The following MAN2A2 variants were observed in gnomAD, a reference collection of about 807,000 sequenced individuals.
MAN2A2 encodes alpha-mannosidase 2x.
A neutral mutation model predicts 126.8 loss-of-function variants in MAN2A2; 79 were observed. That is an observed-to-expected ratio of 0.62 (90% CI 0.52 to 0.75). MAN2A2 has a LOEUF of 0.75. Ranked by LOEUF, MAN2A2 falls within the 30% of genes least tolerant of loss-of-function variation. The probability of loss-of-function intolerance (pLI) is 0.00; values close to 1 mark genes in which losing one functional copy is unlikely to be tolerated. For synonymous variants in MAN2A2, 671 were observed against 618.7 expected, an observed-to-expected ratio of 1.08 and a Z score of -1.25; for missense variants, 1,392 against 1,522.4, an observed-to-expected ratio of 0.91 and a Z score of 1.43.
At chr15:90,909,747 G>A (rs1354447588) in intron 9 of MAN2A2, among the ~76,000 whole-genome samples, 2 of 152,136 alleles carry the variant, frequency 1.3e-5, no homozygotes, top group Non-Finnish European at 1.5e-5. Context: ...GGGACTACAG[G>A]TGCCTGCCAT....
intron 17 of MAN2A2, 76 bp from the exon 18 acceptor site, chr15:90,913,197 T>C (rs2034899421): frequency 2.6e-6 from 4 of 1,556,022 alleles, no homozygotes. Flanking sequence ...AGCTCGGCTC[T>C]GATCCCCCAG....
rs756225227 is a variant in MAN2A2 at position 90,906,736 on chromosome 15, C to G, written c.836-4C>G. The G allele has an allele frequency of 1.2e-5, 20 of 1,610,854 alleles. No individual in the cohort carries two copies. The highest frequency in any genetic ancestry group is 3.3e-5 in the Admixed American group (2 of 59,954). On this transcript the variant is annotated splice_polypyrimidine_tract_variant and splice_region_variant and intron_variant, in intron 6 of 22. Transcript: ENST00000559717. ...GGCCTCTCTGGCTTCCATGCCCTGC[C>G]CAGGTGCAACCCCCCGCTCTGGCTG...
intron 1 of MAN2A2, chr15:90,903,933 T>C: frequency 2.0e-6 from 1 of 493,684 alleles, no homozygotes; most frequent in South Asian, 2.0e-5. Flanking sequence ...TGTGGTGCGC[T>C]CCAGTCGGAG....
chr15:90,919,600 C>G, intron 22 of MAN2A2, 35 bp from the exon 23 acceptor site: 1 of 1,607,608 alleles, frequency 6.2e-7, no homozygotes, highest in Non-Finnish European at 8.5e-7. Flanking sequence ...GTCTCGGCAC[C>G]TAGCACAACC....
chr15:90,916,298 G>C, intron 20 of MAN2A2, 42 bp downstream of exon 20: 1 of 1,595,208 alleles, frequency 6.3e-7, no homozygotes, highest in South Asian at 1.1e-5. Flanking sequence ...GGTCTGGCTA[G>C]TCCCTGGGGG....
At chr15:90,904,070 G>A (rs1234839568) in intron 1 of MAN2A2, 120 bp from the exon 2 acceptor site, 3 of 1,116,066 alleles carry the variant, frequency 2.7e-6, no homozygotes, top group Admixed American at 1.7e-5. Context: ...TGTGCTACTT[G>A]GAGCCAGGCA....
At chr15:90,906,038 A>C (rs370101818) in intron 5 of MAN2A2, 22 bp downstream of exon 5, 62 of 1,612,806 alleles carry the variant, frequency 3.8e-5, no homozygotes, top group Non-Finnish European at 4.2e-5. Flanking sequence ...GCGGGGAGGC[A>C]TGGGAGGGCA....
chr15:90,911,404 C>G lies in MAN2A2; in HGVS notation c.1963C>G (p.Pro655Ala), dbSNP rs1055433937. 13 of 1,614,108 alleles carry G rather than the reference C, an allele frequency of 8.1e-6. No individual in the cohort carries two copies. The highest frequency in any genetic ancestry group is 1.0e-5 in the Non-Finnish European group (12 of 1,180,046). The part of the protein sequence containing the change: ...SSPRFVVLFN[P>A]LEQERFSMVS... The stretch of plus-strand genomic sequence containing the variant: ...GCACAGGTTTGTGGTCCTATTCAAC[C>G]CACTGGAACAGGAGCGATTCAGCAT... The change falls in exon 14 of 23, where the codon CCA (proline) becomes GCA (alanine). Residue 655 changes from proline to alanine, a missense_variant. Physicochemically the swap from Pro to Ala is conservative, Grantham distance 27 (BLOSUM62 -1). Coordinates refer to ENST00000559717, the MANE Select transcript of MAN2A2 (RefSeq NM_006122.4).
upstream of MAN2A2, chr15:90,902,802 G>T (rs1596130074): frequency 6.8e-6 from 1 of 146,266 alleles, no homozygotes; most frequent in South Asian, 2.1e-4. Flanking sequence ...GCGCGCCGGC[G>T]GCCCGGGGCC....
At chr15:90,912,519 G>A (rs968974320) in intron 15 of MAN2A2, 23 bp from the exon 16 acceptor site, 2 of 1,611,472 alleles carry the variant, frequency 1.2e-6, no homozygotes, top group Non-Finnish European at 1.7e-6. Flanking sequence ...GGGGCCAGGG[G>A]TCAGGGCTGT....
rs747544079 is a variant in MAN2A2 at position 90,906,883 on chromosome 15, A to C, written c.979A>C (p.Ser327Arg). 51 of 1,614,040 alleles carry C rather than the reference A, an allele frequency of 3.2e-5. No individual in the cohort carries two copies. The highest frequency in any genetic ancestry group is 4.2e-5 in the Non-Finnish European group (50 of 1,179,990). Residue 327 changes from serine to arginine, a missense_variant, in exon 7 of 23, where the codon AGC becomes CGC. Coordinates refer to ENST00000559717, the MANE Select transcript of MAN2A2 (RefSeq NM_006122.4). ...AIKKHFAATH[S>R]LEFMWRQTWD... The stretch of plus-strand genomic sequence containing the variant: ...CAAGAAGCACTTTGCTGCCACCCAC[A>C]GCCTAGAGTTCATGTGGAGGCAGAC...
intron 15 of MAN2A2, 86 bp downstream of exon 15, chr15:90,912,365 C>T (rs551008758): frequency 1.3e-6 from 2 of 1,571,186 alleles, no homozygotes; most frequent in South Asian, 2.3e-5. Flanking sequence ...CCTCCCGGCC[C>T]TGTGAGCATT....
chr15:90,910,675 T>C lies in MAN2A2; in HGVS notation c.1752T>C (p.Tyr584=), dbSNP rs906744352. The part of the protein sequence containing the change: ...GTAKEAVVVD[Y]GVRLLRSLVN... The stretch of plus-strand genomic sequence containing the variant: ...CCAAGGAGGCTGTGGTGGTGGACTA[T>C]GGGGTCAGGTGGGAGCCTTCTCTTT... Residue 584 remains tyrosine, a synonymous_variant, in exon 11 of 23, where the codon TAT becomes TAC. Coordinates refer to ENST00000559717, the MANE Select transcript of MAN2A2 (RefSeq NM_006122.4). 1 of 1,613,776 alleles carries C rather than the reference T, an allele frequency of 6.2e-7. No homozygotes were observed. The highest frequency in any genetic ancestry group is 2.2e-5 in the East Asian group (1 of 44,900).
chr15:90,904,252 C>G lies in MAN2A2; in HGVS notation c.45C>G (p.Phe15Leu). Reference sequence around the variant, plus strand: ...TGACAGTGTGTGGGGCTGCCATCTTCTGTGTGGCAGTCTTCTCGCTCTACC... The same window carrying G: ...TGACAGTGTGTGGGGCTGCCATCTTGTGTGTGGCAGTCTTCTCGCTCTACC... Reference protein sequence around the residue: ...KQVTVCGAAIFCVAVFSLYLM... With the variant: ...KQVTVCGAAILCVAVFSLYLM... Residue 15 changes from phenylalanine (F) to leucine (L), a missense_variant, in exon 2 of 23, where the codon TTC (phenylalanine) becomes TTG (leucine). Transcript: ENST00000559717. 2.5e-6 allele frequency: 4 copies of G among 1,614,230 alleles called. No homozygotes were observed. Among genetic ancestry groups the G allele is most frequent in the Non-Finnish European group, 3.4e-6 (4 of 1,180,040 alleles).
chr15:90,911,689 T>C, intron 14 of MAN2A2, 139 bp downstream of exon 14: 1 of 978,874 alleles, frequency 1.0e-6, no homozygotes, highest in South Asian at 1.7e-5. Context: ...GGGGAGGGGG[T>C]TGTCCAGAAG....
At position 90,920,128 on chromosome 15, in the gene MAN2A2, A is replaced by T. The variant is rs2035478584; in HGVS notation, c.*341A>T. ...CCAAACAGGGATATAGAAGTGGTGG[A>T]AGCAGACAGAAGAGGTAAGGGAGGC... On this transcript the variant is annotated 3_prime_UTR_variant, in exon 23 of 23. Coordinates refer to ENST00000559717, the MANE Select transcript of MAN2A2 (RefSeq NM_006122.4). The T allele has an allele frequency of 7.6e-6, 2 of 261,776 alleles. No individual in the cohort carries two copies. The highest frequency in any genetic ancestry group is 1.8e-4 in the East Asian group (2 of 10,986). The allele number at this position is 261,776 out of a possible 1,614,324, so 16.2% of individuals were successfully genotyped here. A position where few individuals can be genotyped will look rare whatever the true frequency, so the allele number is the denominator to read the frequency against.
chr15:90,905,382 G>A lies in MAN2A2; in HGVS notation c.264G>A (p.Met88Ile). The stretch of plus-strand genomic sequence containing the variant: ...CCAACGCAGAGGGCCCGCCCGCCAT[G>A]CTGCCCTACTACACGGTCAATGGCT... The part of the protein sequence containing the change: ...LTANAEGPPA[M>I]LPYYTVNGSW... The change falls in exon 3 of 23, where the codon ATG (methionine) becomes ATA (isoleucine). Residue 88 changes from methionine (M) to isoleucine (I), a missense_variant. By Grantham distance (10) the Met-to-Ile change is conservative. Transcript: ENST00000559717. 1 of 1,614,002 alleles carries A rather than the reference G, an allele frequency of 6.2e-7. No individual in the cohort carries two copies. The highest frequency in any genetic ancestry group is 1.7e-5 in the Admixed American group (1 of 60,030).
chr15:90,912,840 G>T, intron 16 of MAN2A2, 37 bp from the exon 17 acceptor site: 1 of 1,581,980 alleles, frequency 6.3e-7, no homozygotes, highest in Non-Finnish European at 8.7e-7. Flanking sequence ...TTTGCCCTCT[G>T]TGCTGTAGTT....
rs376206298 is a variant in MAN2A2, at chr15:90,910,304, TC to T, written c.1577+16del. The T allele has an allele frequency of 5.4e-5, 87 of 1,613,434 alleles. No homozygotes were observed. In the African/African-American group the frequency reaches 1.0e-3, roughly 19 times the overall value. The stretch of plus-strand genomic sequence containing the variant: ...GAAGCCCACCTGCGGTGAGACCCTG[TC>T]CCCGCTTCCAGGCTGGAGGGGGAGA... On this transcript the variant is annotated intron_variant, in intron 10 of 22. Coordinates refer to ENST00000559717, the MANE Select transcript of MAN2A2 (RefSeq NM_006122.4).
Sources: gnomAD v4.1 joint callset for allele counts (sites outside exome capture counted in the v4.1 genomes callset) on GRCh38, gnomAD v4.1.1 for gene constraint, MANE v1.5 for transcripts, NCBI Gene and HGNC (gene_info 2026-07-23, HGNC 2026-07-21) for gene names.